PCSK5: variants seen among roughly 807,000 people sequenced by gnomAD.
The protein encoded by PCSK5 is prohormone convertase 5.
A neutral mutation model predicts 233.2 loss-of-function variants in PCSK5; 129 were observed. The ratio of observed to expected loss-of-function variants is 0.55; its 90% confidence interval spans 0.48 to 0.64. PCSK5 has a LOEUF of 0.64. Ranked by LOEUF, PCSK5 falls within the 30% of genes least tolerant of loss-of-function variation. The probability of loss-of-function intolerance (pLI) is 0.00; values close to 1 mark genes in which losing one functional copy is unlikely to be tolerated. For synonymous variants in PCSK5, 825 were observed against 879.2 expected (o/e 0.94, Z 1.09); for missense variants, 2,076 against 2,430.1 (o/e 0.85, Z 3.06).
intron 10 of PCSK5, among the ~76,000 whole-genome samples, chr9:76,139,364 G>A (rs182952275): frequency 1.4e-4 from 22 of 151,984 alleles, no homozygotes; most frequent in Admixed American, 3.3e-4. Context: ...TTCCATCTTC[G>A]CCACCTACTA....
At chr9:76,314,433 C>CATA (rs1828960053) in intron 30 of PCSK5, among the ~76,000 whole-genome samples, 1 of 152,136 alleles carries the variant, frequency 6.6e-6, no homozygotes, top group Non-Finnish European at 1.5e-5. Flanking sequence ...CTGAGGAACA[C>CATA]ATAATATCCA....
chr9:76,145,539 G>C (rs1320067349), intron 10 of PCSK5, among the ~76,000 whole-genome samples: 1 of 152,182 alleles, frequency 6.6e-6, no homozygotes, highest in Non-Finnish European at 1.5e-5. Context: ...AACTGTGATT[G>C]AGGTAAACAG....
At chr9:76,131,631 A>G (rs975680928) in intron 9 of PCSK5, among the ~76,000 whole-genome samples, 14 of 152,288 alleles carry the variant, frequency 9.2e-5, no homozygotes, top group Admixed American at 8.5e-4. Context: ...TGAATCTGCC[A>G]GAATACAGGT....
chr9:75,904,448 C>A (rs2131210231), intron 1 of PCSK5, among the ~76,000 whole-genome samples: 1 of 152,192 alleles, frequency 6.6e-6, no homozygotes, highest in African/African-American at 2.4e-5. Flanking sequence ...AATAAAAGAC[C>A]AATTTCTCAA....
At position 76,106,788 on chromosome 9, in the gene PCSK5, A is replaced by G. The variant is rs530354069; in HGVS notation, c.1108-463A>G. ...GAAATCTGTGGTTCCCCAAGGTAAC[A>G]GTTCTAGGCTGCAGGGACCATGTAC... On this transcript the variant is annotated intron_variant, in intron 8 of 37. Transcript: ENST00000674117. Among the ~76,000 whole-genome samples, 3 of 152,350 alleles carry G rather than the reference A, an allele frequency of 2.0e-5. No individual in the cohort carries two copies. In the South Asian group the frequency reaches 6.2e-4, roughly 32 times the overall value.
At chr9:76,035,456 T>G (rs1828820105) in intron 5 of PCSK5, among the ~76,000 whole-genome samples, 1 of 152,152 alleles carries the variant, frequency 6.6e-6, no homozygotes, top group Admixed American at 6.5e-5. Context: ...CTCTGCCAAT[T>G]TTAGTATGTT....
intron 12 of PCSK5, among the ~76,000 whole-genome samples, chr9:76,162,735 C>G (rs1822919833): frequency 6.6e-6 from 1 of 152,148 alleles, no homozygotes; most frequent in African/African-American, 2.4e-5. Flanking sequence ...CAATGTTTCC[C>G]TAGCAGAGGT....
chr9:76,275,718 C>A (rs1827670070), intron 24 of PCSK5, among the ~76,000 whole-genome samples: 1 of 152,200 alleles, frequency 6.6e-6, no homozygotes, highest in Non-Finnish European at 1.5e-5. Context: ...AGCCACTGTG[C>A]CTGGCTGATG....
chr9:76,323,932 A>T (rs1394714433), intron 32 of PCSK5, among the ~76,000 whole-genome samples: 7 of 139,394 alleles, frequency 5.0e-5, no homozygotes, highest in Admixed American at 7.3e-5. Context: ...TTCCTGGGTG[A>T]TTTTTTTTTT....
rs1157588752 is a variant in PCSK5, at chr9:76,361,609, G to GA, written c.*2689dup. 1 of 152,324 alleles carries GA rather than the reference G, an allele frequency of 6.6e-6. No individual in the cohort carries two copies. The highest frequency in any genetic ancestry group is 1.5e-5 in the Non-Finnish European group (1 of 68,166). 9.4% of individuals were successfully genotyped at this position (152,324 alleles called of 1,614,324 possible). A position where few individuals can be genotyped will look rare whatever the true frequency, so the allele number is the denominator to read the frequency against. ...CTCAGCTACTCAGGAGGCTAAGGTG[G>GA]AAGGATCACTTGAACCCGGGAGGTC... On this transcript the variant is annotated 3_prime_UTR_variant, in exon 38 of 38. Transcript: ENST00000674117.
In PCSK5 at chr9:76,310,636, C is replaced by T. The variant is rs1270166493; in HGVS notation, c.3689-20C>T. The T allele has an allele frequency of 6.6e-7, 1 of 1,506,140 alleles. No individual in the cohort carries two copies. Among genetic ancestry groups the T allele is most frequent in the Non-Finnish European group, 8.9e-7 (1 of 1,121,538 alleles). The allele number at this position is 1,506,140 out of a possible 1,614,324, so 93.3% of individuals were successfully genotyped here. ...CCACATGATGACTATTCCCATCTTC[C>T]CTCTTCCCTGAATTTCTAGGTGCAT... On this transcript the variant is annotated intron_variant, in intron 29 of 37. Transcript: ENST00000674117.
chr9:76,127,884 A>G (rs530235174), intron 9 of PCSK5, among the ~76,000 whole-genome samples: 6 of 152,204 alleles, frequency 3.9e-5, no homozygotes, highest in Admixed American at 6.5e-5. Context: ...GAGACTTTCA[A>G]GAGGTTCAGT....
chr9:75,940,933 A>G (rs1268615739), intron 2 of PCSK5, among the ~76,000 whole-genome samples: 1 of 152,216 alleles, frequency 6.6e-6, no homozygotes, highest in Non-Finnish European at 1.5e-5. Context: ...TTAGTTAAAA[A>G]TAAGTATTCA....
chr9:76,067,850 C>T lies in PCSK5; in HGVS notation c.633-105C>T. The T allele has an allele frequency of 3.4e-6, 3 of 871,130 alleles. No individual in the cohort carries two copies. In the East Asian group the frequency reaches 7.5e-5, roughly 22 times the overall value. 54.0% of individuals were successfully genotyped at this position (871,130 alleles called of 1,614,324 possible). A position where few individuals can be genotyped will look rare whatever the true frequency, so the allele number is the denominator to read the frequency against. On this transcript the variant is annotated intron_variant, in intron 5 of 37. Transcript: ENST00000674117. ...ACTTGGGAAGGAAGTTCCAGAAACACCACAGCTGGGTACATTCTTCACCAC... is the reference window on the plus strand; with the variant it reads ...ACTTGGGAAGGAAGTTCCAGAAACATCACAGCTGGGTACATTCTTCACCAC...
chr9:76,169,304 G>A lies in PCSK5; in HGVS notation c.1620-400G>A, dbSNP rs76578493. Among the ~76,000 whole-genome samples, 434 of 152,252 alleles carry A rather than the reference G, an allele frequency of 2.9e-3. 2 individuals are homozygous for A. Among genetic ancestry groups the A allele is most frequent in the African/African-American group, 9.8e-3 (407 of 41,542 alleles). ...GTTGAGTTTTATGGTGAGTGTGTGT[G>A]TAACTTTATAGGAACTGTCAAACTG... On this transcript the variant is annotated intron_variant, in intron 12 of 37. Coordinates refer to ENST00000674117, the MANE Select transcript of PCSK5 (RefSeq NM_001372043.1).
chr9:76,209,420 C>T (rs1825244333), intron 20 of PCSK5: 2 of 451,892 alleles, frequency 4.4e-6, no homozygotes, highest in African/African-American at 2.0e-5. Flanking sequence ...CTTTATATCT[C>T]CTGTGTTATG....
chr9:76,111,075 C>T (rs1832193556), intron 9 of PCSK5, among the ~76,000 whole-genome samples: 1 of 152,020 alleles, frequency 6.6e-6, no homozygotes. Context: ...CTGCTATACC[C>T]CAGACTGGGT....
intron 5 of PCSK5, among the ~76,000 whole-genome samples, chr9:76,047,294 C>T (rs902225672): frequency 7.9e-5 from 12 of 152,152 alleles, no homozygotes; most frequent in Admixed American, 2.0e-4. Flanking sequence ...GATGGGGTTT[C>T]ACCGTGTTAG....
intron 20 of PCSK5, among the ~76,000 whole-genome samples, chr9:76,206,367 T>G (rs1416523017): frequency 1.3e-5 from 2 of 152,230 alleles, no homozygotes; most frequent in Non-Finnish European, 2.9e-5. Flanking sequence ...AAAGAAAGTA[T>G]TAACAGCAGC....
Sources: gnomAD v4.1 joint callset for allele counts (sites outside exome capture counted in the v4.1 genomes callset) on GRCh38, gnomAD v4.1.1 for gene constraint, MANE v1.5 for transcripts, NCBI Gene and HGNC (gene_info 2026-07-23, HGNC 2026-07-21) for gene names.